FAN1: variants seen among roughly 807,000 people sequenced by gnomAD.
The protein encoded by FAN1 is fanconi-associated nuclease 1.
FAN1 carries 91 observed loss-of-function variants against 104.9 expected under a neutral mutation model. The observed-to-expected ratio is 0.87, with a 90% CI of 0.73 to 1.03. FAN1 has a LOEUF of 1.03. FAN1 is among the 50% of genes least tolerant of loss of function. FAN1 has a pLI of 0.00. For synonymous variants in FAN1, 478 were observed against 457.6 expected (o/e 1.04, Z -0.57); for missense variants, 1,263 against 1,239.9 (o/e 1.02, Z -0.28).
At chr15:30,923,381 A>C (rs2062381862) in intron 8 of FAN1, among the ~76,000 whole-genome samples, 1 of 152,178 alleles carries the variant, frequency 6.6e-6, no homozygotes, top group African/African-American at 2.4e-5. Flanking sequence ...AATGAAATAA[A>C]AGTTCAAGAG....
chr15:30,925,677 C>G, intron 9 of FAN1, 112 bp from the exon 10 acceptor site: 1 of 1,226,770 alleles, frequency 8.2e-7, no homozygotes, highest in Non-Finnish European at 1.2e-6. Context: ...GTGTGCTCTA[C>G]TAAGTGACTG....
At chr15:30,937,045 A>C (rs2062874948) in intron 13 of FAN1, 74 bp from the exon 14 acceptor site, 1 of 1,254,548 alleles carries the variant, frequency 8.0e-7, no homozygotes, top group Non-Finnish European at 1.1e-6. Flanking sequence ...GTTGTCAGTG[A>C]CAACTACAAC....
At position 30,905,115 on chromosome 15, in the gene FAN1, G is replaced by A; in HGVS notation, c.452G>A (p.Cys151Tyr). Residue 151 changes from cysteine (C) to tyrosine (Y), a missense_variant, in exon 2 of 15, where the codon TGT (cysteine) becomes TAT (tyrosine). By Grantham distance (194) the Cys-to-Tyr change is radical. This residue lies in a region of FAN1 where 682 missense variants were observed against 571.1 expected (regional missense o/e 1.19). Coordinates refer to ENST00000362065, the MANE Select transcript of FAN1 (RefSeq NM_014967.5). ...ELRNRSVKVI[C>Y]LGSLASKLSR... ...AGAAATCGTAGTGTGAAAGTCATTTGTTTGGGAAGCCTAGCATCTAAATTG... is the reference window on the plus strand; with the variant it reads ...AGAAATCGTAGTGTGAAAGTCATTTATTTGGGAAGCCTAGCATCTAAATTG... 1 of 1,614,038 alleles carries A rather than the reference G, an allele frequency of 6.2e-7. No individual in the cohort carries two copies. The highest frequency in any genetic ancestry group is 2.2e-5 in the East Asian group (1 of 44,884).
chr15:30,931,031 C>T (rs1159145776), intron 13 of FAN1, among the ~76,000 whole-genome samples: 2 of 152,082 alleles, frequency 1.3e-5, no homozygotes, highest in South Asian at 2.1e-4. Context: ...AGAAGCTTAC[C>T]GATAATTGTA....
At chr15:30,927,735 C>G in intron 10 of FAN1, 4 of 985,724 alleles carry the variant, frequency 4.1e-6, no homozygotes, top group Non-Finnish European at 4.8e-6. Context: ...GTGGCCTCCT[C>G]CTCTGTCGGG....
intron 10 of FAN1, chr15:30,926,640 A>G (rs1262620336): frequency 1.0e-6 from 1 of 985,204 alleles, no homozygotes; most frequent in Non-Finnish European, 1.2e-6. Context: ...AGACGTGCAA[A>G]TGCCAGTGAA....
chr15:30,925,323 T>C (rs1306822959), intron 9 of FAN1, 32 bp downstream of exon 9: 2 of 1,594,456 alleles, frequency 1.3e-6, no homozygotes, highest in Non-Finnish European at 1.7e-6. Flanking sequence ...GCTTTGGACT[T>C]AGGCGCGTGT....
In FAN1 at chr15:30,904,504, T is replaced by A; in HGVS notation, c.-152-8T>A. The A allele has an allele frequency of 2.5e-6, 2 of 786,128 alleles. No individual in the cohort carries two copies. The highest frequency in any genetic ancestry group is 4.4e-6 in the Non-Finnish European group (2 of 452,646). The allele number at this position is 786,128 out of a possible 1,614,324, so 48.7% of individuals were successfully genotyped here. On this transcript the variant is annotated splice_region_variant and splice_polypyrimidine_tract_variant and intron_variant, in intron 1 of 14. Transcript: ENST00000362065. Reference sequence around the variant, plus strand: ...ATGTTTTTAATTTATATGTGTTTCTTCTTGTAGGAAGAAGAAATTGTCGAG... The same window carrying A: ...ATGTTTTTAATTTATATGTGTTTCTACTTGTAGGAAGAAGAAATTGTCGAG...
At position 30,942,952 on chromosome 15, in the gene FAN1, A is replaced by G; in HGVS notation, c.*1390A>G. The G allele has an allele frequency of 6.4e-7, 1 of 1,563,258 alleles. No individual in the cohort carries two copies. Among genetic ancestry groups the G allele is most frequent in the South Asian group, 1.2e-5 (1 of 84,946 alleles). ...ATACAAGGTGTGCTCTTTCCAATGTAGAAGGGGTTATGGAAAAGGGTGCGA... is the reference window on the plus strand; with the variant it reads ...ATACAAGGTGTGCTCTTTCCAATGTGGAAGGGGTTATGGAAAAGGGTGCGA... On this transcript the variant is annotated 3_prime_UTR_variant, in exon 15 of 15. Transcript: ENST00000362065.
chr15:30,943,025 T>C lies in FAN1; in HGVS notation c.*1463T>C. 1 of 1,550,666 alleles carries C rather than the reference T, an allele frequency of 6.4e-7. No homozygotes were observed. Among genetic ancestry groups the C allele is most frequent in the Non-Finnish European group, 8.7e-7 (1 of 1,146,754 alleles). On this transcript the variant is annotated 3_prime_UTR_variant, in exon 15 of 15. Coordinates refer to ENST00000362065, the MANE Select transcript of FAN1 (RefSeq NM_014967.5). Reference sequence around the variant, plus strand: ...ACCAGTCCCAAACAGAGGGGAATTTTAAGCCCTTCTCATCACCCAATTGGA... The same window carrying C: ...ACCAGTCCCAAACAGAGGGGAATTTCAAGCCCTTCTCATCACCCAATTGGA...
intron 14 of FAN1, 115 bp from the exon 15 acceptor site, chr15:30,941,451 G>C: frequency 6.3e-7 from 1 of 1,583,866 alleles, no homozygotes; most frequent in Non-Finnish European, 8.6e-7. Flanking sequence ...CCCTCAAAAT[G>C]TTCAGAAAAC....
intron 14 of FAN1, chr15:30,940,261 A>T (rs1395751332): frequency 1.4e-5 from 14 of 977,842 alleles, no homozygotes; most frequent in Non-Finnish European, 1.7e-5. Flanking sequence ...GGCTCTTGTC[A>T]CACAGTTTGG....
At chr15:30,909,117 A>G (rs1216696246) in intron 3 of FAN1, among the ~76,000 whole-genome samples, 3 of 152,176 alleles carry the variant, frequency 2.0e-5, no homozygotes, top group Non-Finnish European at 4.4e-5. Context: ...AGCATTCGTT[A>G]AGTACCTACC....
intron 6 of FAN1, among the ~76,000 whole-genome samples, chr15:30,919,687 T>TC (rs1286364610): frequency 7.5e-6 from 1 of 133,276 alleles, no homozygotes; most frequent in Non-Finnish European, 1.5e-5. Context: ...AGACTCTGTC[T>TC]CGGGGAAAAA....
chr15:30,913,047 G>A (rs2062130457), intron 4 of FAN1, among the ~76,000 whole-genome samples: 1 of 152,174 alleles, frequency 6.6e-6, no homozygotes, highest in South Asian at 2.1e-4. Flanking sequence ...CACTAGAGAA[G>A]GGGTCTGCAA....
chr15:30,939,505 T>C (rs1566939442), intron 14 of FAN1: 1 of 982,938 alleles, frequency 1.0e-6, no homozygotes, highest in African/African-American at 1.7e-5. Context: ...TGTAGCACAA[T>C]AATCATGATA....
At chr15:30,916,631 G>A (rs1156259892) in intron 5 of FAN1, among the ~76,000 whole-genome samples, 4 of 152,148 alleles carry the variant, frequency 2.6e-5, no homozygotes, top group Non-Finnish European at 5.9e-5. Context: ...TACCTGGCCA[G>A]GAAACCCTTG....
intron 4 of FAN1, chr15:30,911,045 A>G: frequency 2.4e-6 from 3 of 1,256,680 alleles, no homozygotes; most frequent in Non-Finnish European, 3.0e-6. Context: ...ATCGGAAGGC[A>G]ATAGGCCTTT....
chr15:30,913,929 T>C lies in FAN1; in HGVS notation c.1649T>C (p.Leu550Pro). Residue 550 changes from leucine (L) to proline (P), a missense_variant, in exon 5 of 15, where the codon CTA becomes CCA. By Grantham distance (98) the Leu-to-Pro change is moderately conservative (BLOSUM62 -3). Coordinates refer to ENST00000362065, the MANE Select transcript of FAN1 (RefSeq NM_014967.5). ...GPRAVFSRILLLFSLTDSMED... is the reference protein window; with the variant it reads ...GPRAVFSRILPLFSLTDSMED... ...AGGGCTGTGTTTTCCCGCATCTTGCTACTGTTTTCGTTGACCGACTCAATG... is the reference window on the plus strand; with the variant it reads ...AGGGCTGTGTTTTCCCGCATCTTGCCACTGTTTTCGTTGACCGACTCAATG... 1 of 1,614,212 alleles carries C rather than the reference T, an allele frequency of 6.2e-7. No individual in the cohort carries two copies. Among genetic ancestry groups the C allele is most frequent in the Non-Finnish European group, 8.5e-7 (1 of 1,180,020 alleles).
Sources: allele counts gnomAD v4.1 joint callset (sites outside exome capture counted in the v4.1 genomes callset), GRCh38; gene constraint gnomAD v4.1.1; regional missense constraint gnomAD v4.1.1; transcripts MANE v1.5; gene names NCBI Gene and HGNC (gene_info 2026-07-23, HGNC 2026-07-21).